Variants in NEDD9 observed in about 807,000 individuals in gnomAD.
NEDD9 encodes the protein neural precursor cell expressed, developmentally down-regulated 9.
A neutral mutation model predicts 76.6 loss-of-function variants in NEDD9; 26 were observed. That is an observed-to-expected ratio of 0.34 (90% CI 0.25 to 0.47). The LOEUF is 0.47. Ranked by LOEUF, NEDD9 falls within the 20% of genes least tolerant of loss-of-function variation. The pLI is 1.00. For synonymous variants in NEDD9, 392 were observed against 414.2 expected, an observed-to-expected ratio of 0.95 and a Z score of 0.65; for missense variants, 937 against 1,058.5, an observed-to-expected ratio of 0.89 and a Z score of 1.59.
At chr6:11,318,812 T>C (rs1761659665) in intron 2 of NEDD9, among the ~76,000 whole-genome samples, 1 of 151,678 alleles carries the variant, frequency 6.6e-6, no homozygotes, top group Non-Finnish European at 1.5e-5. Flanking sequence ...AGAAGCTCTG[T>C]TTTTAAAAAT....
intron 1 of NEDD9, among the ~76,000 whole-genome samples, chr6:11,366,311 GAGAA>G (rs138112613): frequency 0.37 from 52,330 of 142,474 alleles, 10,325 homozygotes; most frequent in Admixed American, 0.41. Context: ...AAGAAAGAAA[GAGAA>G]AGAAAGAAAG....
At chr6:11,199,412 T>C (rs1758371778) in intron 2 of NEDD9, 2 of 152,226 alleles carry the variant, frequency 1.3e-5, no homozygotes, top group South Asian at 4.1e-4. Context: ...ATGGAAATTA[T>C]ACTTCCCTCA....
At chr6:11,221,526 C>T (rs1322229253) in intron 1 of NEDD9, among the ~76,000 whole-genome samples, 2 of 152,090 alleles carry the variant, frequency 1.3e-5, no homozygotes, top group Non-Finnish European at 2.9e-5. Flanking sequence ...ACCATTCTAA[C>T]CCAATCTCCT....
rs376956180 is a variant in NEDD9 at position 11,190,162 on chromosome 6, C to T, written c.1707G>A (p.Gly569=). The T allele has an allele frequency of 1.9e-5, 31 of 1,614,060 alleles. No homozygotes were observed. Among genetic ancestry groups the T allele is most frequent in the African/African-American group, 4.0e-5 (3 of 74,916 alleles). The change falls in exon 5 of 7, where the codon GGG becomes GGA. Residue 569 remains glycine, a synonymous_variant. Transcript: ENST00000379446. The surrounding 1 kb of genome is among the most constrained non-coding windows in gnomAD (Gnocchi z 5.8). ...PGPGSLHLKN[G]PESIMNSTEY... is the part of the protein sequence containing the mutation. Reference sequence around the variant, plus strand: ...CCGTTGAGTTCATGATGCTCTCCGGCCCATTCTTCAGATGCAAGCTGCCAG... The same window carrying T: ...CCGTTGAGTTCATGATGCTCTCCGGTCCATTCTTCAGATGCAAGCTGCCAG...
intron 3 of NEDD9, among the ~76,000 whole-genome samples, chr6:11,267,894 G>A (rs1217974638): frequency 3.3e-5 from 5 of 152,152 alleles, no homozygotes; most frequent in Admixed American, 3.3e-4. Flanking sequence ...TTTAAGTAGA[G>A]AAAAGTAAAA....
chr6:11,201,685 C>A (rs1032956829), intron 2 of NEDD9, among the ~76,000 whole-genome samples: 27 of 147,110 alleles, frequency 1.8e-4, no homozygotes, highest in African/African-American at 7.1e-4. Flanking sequence ...TTGTATGCAT[C>A]AAAATTTTAA....
At position 11,190,193 on chromosome 6, in the gene NEDD9, G is replaced by T. The variant is rs1561779061; in HGVS notation, c.1676C>A (p.Pro559His). 1.2e-6 allele frequency: 2 copies of T among 1,614,240 alleles called. No individual in the cohort carries two copies. The highest frequency in any genetic ancestry group is 1.7e-6 in the Non-Finnish European group (2 of 1,180,046). The stretch of plus-strand genomic sequence containing the variant: ...CTTCAGATGCAAGCTGCCAGGGCCG[G>T]GTCTGAAGAGGGCCTCTGCGTTGGT... ...INTNAEALFR[P>H]GPGSLHLKNG... is the part of the protein sequence containing the mutation. Residue 559 changes from proline to histidine, a missense_variant, in exon 5 of 7, where the codon CCC becomes CAC. Physicochemically the swap from Pro to His is moderately conservative, Grantham distance 77 (BLOSUM62 -2). Transcript: ENST00000379446. The surrounding 1 kb of genome is among the most constrained non-coding windows in gnomAD (Gnocchi z 5.8).
intron 1 of NEDD9, among the ~76,000 whole-genome samples, chr6:11,223,190 A>G (rs1370066528): frequency 1.3e-5 from 2 of 152,232 alleles, no homozygotes; most frequent in Non-Finnish European, 2.9e-5. Context: ...AGGAATGGAC[A>G]CCAGACTGAA....
At chr6:11,339,904 G>A (rs1346063659) in intron 1 of NEDD9, among the ~76,000 whole-genome samples, 2 of 152,208 alleles carry the variant, frequency 1.3e-5, no homozygotes, top group African/African-American at 4.8e-5. Flanking sequence ...CCATTCAGCT[G>A]TACGGTAATG....
rs1762808068 is a variant in NEDD9, at chr6:11,368,569, C to T, written c.-214+13570G>A. 2.6e-5 allele frequency among the ~76,000 whole-genome samples: 4 copies of T among 152,212 alleles called. No homozygotes were observed. In the South Asian group the frequency reaches 8.3e-4, roughly 31 times the overall value. On this transcript the variant is annotated intron_variant, in intron 1 of 3. Transcript: ENST00000397378. The stretch of plus-strand genomic sequence containing the variant: ...TACGAATTTGTTGACTGATGACTGA[C>T]ACACAGAAGGGTCTACAGAATAATA...
At chr6:11,196,173 G>A (rs904965505) in intron 2 of NEDD9, among the ~76,000 whole-genome samples, 3 of 150,192 alleles carry the variant, frequency 2.0e-5, no homozygotes, top group Non-Finnish European at 3.0e-5. Flanking sequence ...GTGTGGTGGT[G>A]GGCGCCTGTA....
chr6:11,310,841 G>A (rs939086342), intron 2 of NEDD9, among the ~76,000 whole-genome samples: 7 of 152,120 alleles, frequency 4.6e-5, no homozygotes, highest in African/African-American at 7.2e-5. Flanking sequence ...GAAAGCAGGC[G>A]CCCTCTGAAA....
chr6:11,215,132 T>C (rs574664593), intron 1 of NEDD9, among the ~76,000 whole-genome samples: 1 of 152,322 alleles, frequency 6.6e-6, no homozygotes, highest in South Asian at 2.1e-4. Flanking sequence ...ATCTGCCCTC[T>C]ATTCAGTAGT....
intron 3 of NEDD9, among the ~76,000 whole-genome samples, chr6:11,296,030 G>C (rs184485134): frequency 1.3e-5 from 2 of 152,208 alleles, no homozygotes; most frequent in South Asian, 4.1e-4. Flanking sequence ...GGTCACATGG[G>C]TGGGCCCTAA....
chr6:11,375,725 G>A (rs1441798609), intron 1 of NEDD9, among the ~76,000 whole-genome samples: 3 of 152,034 alleles, frequency 2.0e-5, no homozygotes, highest in Admixed American at 6.6e-5. Context: ...TCCTCCTTCC[G>A]CCATGATTGT....
At chr6:11,191,471 G>A (rs1758143456) in intron 4 of NEDD9, among the ~76,000 whole-genome samples, 1 of 152,072 alleles carries the variant, frequency 6.6e-6, no homozygotes, top group African/African-American at 2.4e-5. Context: ...CTGTGTTTCT[G>A]ACCACCTCCT....
intron 1 of NEDD9, among the ~76,000 whole-genome samples, chr6:11,353,703 T>C (rs899962887): frequency 1.3e-5 from 2 of 152,194 alleles, no homozygotes; most frequent in Non-Finnish European, 2.9e-5. Flanking sequence ...GTTTGTAAAA[T>C]AAACATTCCT....
chr6:11,233,815 C>A (rs1196084254), upstream of NEDD9, among the ~76,000 whole-genome samples: 1 of 152,096 alleles, frequency 6.6e-6, no homozygotes, highest in Non-Finnish European at 1.5e-5. Flanking sequence ...TGAATCCAGA[C>A]AATAGCTGTC....
intron 1 of NEDD9, among the ~76,000 whole-genome samples, chr6:11,351,210 G>A (rs2113535422): frequency 6.6e-6 from 1 of 152,194 alleles, no homozygotes; most frequent in Non-Finnish European, 1.5e-5. Flanking sequence ...GAGACAGAGA[G>A]GGCCAAGTGA....
Sources: allele counts gnomAD v4.1 joint callset (sites outside exome capture counted in the v4.1 genomes callset), GRCh38; gene constraint gnomAD v4.1.1; non-coding constraint Gnocchi (gnomAD v3.1); transcripts MANE v1.5; gene names NCBI Gene and HGNC (gene_info 2026-07-23, HGNC 2026-07-21).